The following TCERG1L variants were observed in gnomAD, a reference collection of about 807,000 sequenced individuals.
TCERG1L encodes the protein transcription elongation regulator 1 like, also known as transcription elongation regulator 1-like protein.
A neutral mutation model predicts 56.3 loss-of-function variants in TCERG1L; 37 were observed. That is an observed-to-expected ratio of 0.66 (90% CI 0.51 to 0.87). The LOEUF is 0.87. Ranked by LOEUF, TCERG1L falls within the 40% of genes least tolerant of loss-of-function variation. The probability of loss-of-function intolerance (pLI) is 0.00; values close to 1 mark genes in which losing one functional copy is unlikely to be tolerated. For missense variants in TCERG1L, 799 were observed against 774.2 expected, an observed-to-expected ratio of 1.03 and a Z score of -0.38; for synonymous variants, 324 against 326.3, an observed-to-expected ratio of 0.99 and a Z score of 0.08.
Position 131,311,575 on chromosome 10 carries a change from G to C in TCERG1L, c.61C>G (p.Arg21Gly). The change falls in exon 1 of 12, where the codon CGG (arginine) becomes GGG (glycine). Residue 21 changes from arginine (R) to glycine (G), a missense_variant. Coordinates refer to ENST00000368642, the MANE Select transcript of TCERG1L (RefSeq NM_174937.4). This position sits in a 1 kb window ranked among gnomAD's most constrained non-coding sequence, Gnocchi z 4.0. ...RRQLQQQQPR[R>G]RQPLLWPMDA... Reference sequence around the variant, plus strand: ...ATCGGCCAGAGGAGAGGCTGCCGCCGCCGGGGCTGCTGCTGCTGCAGCTGC... The same window carrying C: ...ATCGGCCAGAGGAGAGGCTGCCGCCCCCGGGGCTGCTGCTGCTGCAGCTGC... 8.7e-7 allele frequency: 1 copy of C among 1,155,298 alleles called. No individual in the cohort carries two copies. The highest frequency in any genetic ancestry group is 1.1e-6 in the Non-Finnish European group (1 of 939,916). 71.6% of individuals were successfully genotyped at this position (1,155,298 alleles called of 1,614,324 possible).
At chr10:131,136,471 G>C (rs375321986) in intron 7 of TCERG1L, among the ~76,000 whole-genome samples, 1 of 151,982 alleles carries the variant, frequency 6.6e-6, no homozygotes, top group Non-Finnish European at 1.5e-5. Flanking sequence ...GCCCCAGGGA[G>C]GGGTGGCCCC....
At chr10:131,217,233 T>C (rs1845679245) in intron 4 of TCERG1L, among the ~76,000 whole-genome samples, 1 of 152,002 alleles carries the variant, frequency 6.6e-6, no homozygotes, top group South Asian at 2.1e-4. Context: ...GATCTGGTCG[T>C]TTAACAGTGT....
At chr10:131,096,350 T>C (rs1267136801) in intron 11 of TCERG1L, among the ~76,000 whole-genome samples, 2 of 152,238 alleles carry the variant, frequency 1.3e-5, no homozygotes, top group East Asian at 3.9e-4. Context: ...TTCTCATGAC[T>C]GCTTTAACAA....
chr10:131,247,904 A>G (rs1245893810), intron 4 of TCERG1L, among the ~76,000 whole-genome samples: 2 of 115,200 alleles, frequency 1.7e-5, no homozygotes, highest in Non-Finnish European at 3.8e-5. Context: ...AGGTGCACAC[A>G]CGCACACACA....
intron 3 of TCERG1L, among the ~76,000 whole-genome samples, chr10:131,278,286 G>A (rs77374190): frequency 0.022 from 3,341 of 151,674 alleles, 76 homozygotes; most frequent in East Asian, 0.074. Context: ...AAGATGAGAC[G>A]AGGCCCCCCC....
intron 4 of TCERG1L, among the ~76,000 whole-genome samples, chr10:131,174,870 A>T (rs115200939): frequency 0.013 from 1,875 of 139,126 alleles, 41 homozygotes; most frequent in African/African-American, 0.041. Context: ...TTGCCTCATC[A>T]TGGGACTCCA....
At chr10:131,227,740 C>T (rs1040481225) in intron 4 of TCERG1L, among the ~76,000 whole-genome samples, 5 of 120,062 alleles carry the variant, frequency 4.2e-5, no homozygotes, top group East Asian at 2.7e-4. Context: ...CCAAGATACA[C>T]GTCTTGATTA....
In TCERG1L at chr10:131,108,872, C is replaced by T. The variant is rs148833299; in HGVS notation, c.1396-4518G>A. 3.9e-5 allele frequency among the ~76,000 whole-genome samples: 6 copies of T among 152,328 alleles called. No homozygotes were observed. The East Asian group carries it at 1.2e-3, about 29-fold the overall frequency. The stretch of plus-strand genomic sequence containing the variant: ...TCCATGTCTTCAGCCAGCTAAGAGC[C>T]AATCTTGGCTCCGAGCGGCTGCCTG... On this transcript the variant is annotated intron_variant, in intron 9 of 11. Coordinates refer to ENST00000368642, the MANE Select transcript of TCERG1L (RefSeq NM_174937.4).
intron 4 of TCERG1L, among the ~76,000 whole-genome samples, chr10:131,212,020 T>C (rs1444461496): frequency 6.6e-6 from 1 of 152,186 alleles, no homozygotes; most frequent in Non-Finnish European, 1.5e-5. Flanking sequence ...ATGATAAGAT[T>C]GGGGTGATTC....
intron 9 of TCERG1L, among the ~76,000 whole-genome samples, chr10:131,116,039 C>T (rs1845456343): frequency 6.6e-6 from 1 of 152,186 alleles, no homozygotes; most frequent in African/African-American, 2.4e-5. Flanking sequence ...TTATAAACAT[C>T]CTCACACGTG....
chr10:131,107,249 C>G (rs1402287087), intron 9 of TCERG1L, among the ~76,000 whole-genome samples: 1 of 152,192 alleles, frequency 6.6e-6, no homozygotes, highest in Non-Finnish European at 1.5e-5. Context: ...CCGATGGTCC[C>G]AGCTCTGCAG....
chr10:131,273,226 C>T lies in TCERG1L; in HGVS notation c.671-12782G>A, dbSNP rs997557954. Among the ~76,000 whole-genome samples the T allele has an allele frequency of 3.3e-5, 5 of 152,166 alleles. No individual in the cohort carries two copies. In the East Asian group the frequency reaches 9.7e-4, roughly 30 times the overall value. The stretch of plus-strand genomic sequence containing the variant: ...TGCCCGTGTAGACAGCCTGGGACCC[C>T]CATGGTTGTCAGGACATAGCCTGGA... On this transcript the variant is annotated intron_variant, in intron 3 of 11. Transcript: ENST00000368642.
chr10:131,215,912 C>T (rs1264566225), intron 4 of TCERG1L, among the ~76,000 whole-genome samples: 1 of 152,152 alleles, frequency 6.6e-6, no homozygotes, highest in Non-Finnish European at 1.5e-5. Flanking sequence ...CAGCTTGCCA[C>T]TTGTGCAGAA....
At chr10:131,154,341 T>C (rs919765569) in intron 6 of TCERG1L, among the ~76,000 whole-genome samples, 1 of 152,164 alleles carries the variant, frequency 6.6e-6, no homozygotes, top group African/African-American at 2.4e-5. Context: ...CAAAATCAGC[T>C]GGCTGGTGGG....
intron 4 of TCERG1L, among the ~76,000 whole-genome samples, chr10:131,243,042 TGTTTTATTTACATTAC>T (rs1477072323): frequency 2.6e-5 from 4 of 152,218 alleles, no homozygotes; most frequent in Admixed American, 2.6e-4. Context: ...ATGAGGGGCT[TGTTTTATTTACATTAC>T]GATTTATTTA....
chr10:131,150,261 A>G (rs1415708728), intron 6 of TCERG1L, among the ~76,000 whole-genome samples: 5 of 10,074 alleles, frequency 5.0e-4, no homozygotes, highest in Non-Finnish European at 4.9e-3. Flanking sequence ...CAACGGCCTC[A>G]CCCAGAGGTG....
intron 4 of TCERG1L, among the ~76,000 whole-genome samples, chr10:131,242,444 C>CA (rs555536244): frequency 3.7e-4 from 56 of 152,180 alleles, no homozygotes; most frequent in Middle Eastern, 3.4e-3. Context: ...GGGCAAACGA[C>CA]AGAGTGGCAT....
intron 6 of TCERG1L, among the ~76,000 whole-genome samples, chr10:131,154,910 C>T (rs192895992): frequency 1.6e-4 from 25 of 152,354 alleles, no homozygotes; most frequent in Admixed American, 1.0e-3. Context: ...CGCTTCGGGC[C>T]GTGGGCTGTC....
In TCERG1L at chr10:131,146,403, T is replaced by C. The variant is rs923829542; in HGVS notation, c.1189+103A>G. On this transcript the variant is annotated intron_variant, in intron 7 of 11. Transcript: ENST00000368642. ...GGGCACAGGATTCCTTAATAGTCAA[T>C]TTTCAACATAACCAAGAAGAAACAT... 5.0e-5 allele frequency: 67 copies of C among 1,339,542 alleles called. No individual in the cohort carries two copies. The African/African-American group carries it at 9.0e-4, about 18-fold the overall frequency. 83.0% of individuals were successfully genotyped at this position (1,339,542 alleles called of 1,614,324 possible). A position where few individuals can be genotyped will look rare whatever the true frequency, so the allele number is the denominator to read the frequency against.
Sources: allele counts gnomAD v4.1 joint callset (sites outside exome capture counted in the v4.1 genomes callset), GRCh38; gene constraint gnomAD v4.1.1; non-coding constraint Gnocchi (gnomAD v3.1); transcripts MANE v1.5; gene names NCBI Gene and HGNC (gene_info 2026-07-23, HGNC 2026-07-21).